JAKMIP1: variants seen among roughly 807,000 people sequenced by gnomAD.
JAKMIP1 encodes janus kinase and microtubule interacting protein 1.
JAKMIP1 carries 33 observed loss-of-function variants against 113.0 expected under a neutral mutation model. The observed-to-expected ratio is 0.29, with a 90% CI of 0.22 to 0.39. The LOEUF (loss-of-function observed/expected upper bound fraction) is 0.39. Among genes scored for constraint, JAKMIP1 ranks in the 10% least tolerant of loss-of-function variants. The probability of loss-of-function intolerance (pLI) is 1.00; values close to 1 mark genes in which losing one functional copy is unlikely to be tolerated. For missense variants in JAKMIP1, 813 were observed against 1,080.5 expected (o/e 0.75, Z 3.47); for synonymous variants, 480 against 459.9 (o/e 1.04, Z -0.56).
In JAKMIP1 at chr4:6,129,674, A is replaced by G. The variant is rs1718235020; in HGVS notation, c.-147-16677T>C. Among the ~76,000 whole-genome samples the G allele has an allele frequency of 1.3e-5, 2 of 152,148 alleles. No individual in the cohort carries two copies. Among genetic ancestry groups the G allele is most frequent in the Non-Finnish European group, 2.9e-5 (2 of 68,016 alleles). On this transcript the variant is annotated intron_variant, in intron 1 of 20. Coordinates refer to ENST00000409021, the MANE Select transcript of JAKMIP1 (RefSeq NM_001099433.2). The surrounding 1 kb of genome is among the most constrained non-coding windows in gnomAD (Gnocchi z 5.4). ...CCGTTCTCAATATTTCCCTACACAG[A>G]TCAGGAGGAAGCCATCCCTCTGCAT...
chr4:6,092,724 T>C (rs1198744846), intron 3 of JAKMIP1, among the ~76,000 whole-genome samples: 2 of 152,216 alleles, frequency 1.3e-5, no homozygotes, highest in Admixed American at 6.5e-5. Context: ...TCAGTGTTCA[T>C]GCAGACCCAC....
chr4:6,131,694 C>T (rs954186852), intron 1 of JAKMIP1, among the ~76,000 whole-genome samples: 1 of 152,224 alleles, frequency 6.6e-6, no homozygotes, highest in Non-Finnish European at 1.5e-5. Flanking sequence ...GGTGCCACTG[C>T]ACTCCAGCCT....
intron 19 of JAKMIP1, among the ~76,000 whole-genome samples, chr4:6,030,587 C>T (rs1403444310): frequency 6.6e-6 from 1 of 152,194 alleles, no homozygotes; most frequent in Non-Finnish European, 1.5e-5. Context: ...CATCAAGGGC[C>T]CCACCAAGGT....
chr4:6,053,782 G>A lies in JAKMIP1; in HGVS notation c.1806+268C>T, dbSNP rs1396194788. The A allele has an allele frequency of 6.4e-6, 8 of 1,255,406 alleles. No individual in the cohort carries two copies. In the African/African-American group the frequency reaches 9.3e-5, roughly 15 times the overall value. The allele number at this position is 1,255,406 out of a possible 1,614,324, so 77.8% of individuals were successfully genotyped here. A position where few individuals can be genotyped will look rare whatever the true frequency, so the allele number is the denominator to read the frequency against. On this transcript the variant is annotated intron_variant, in intron 13 of 20. Coordinates refer to ENST00000409021, the MANE Select transcript of JAKMIP1 (RefSeq NM_001099433.2). The stretch of plus-strand genomic sequence containing the variant: ...TTGCAAAAACAAATTATTTTATTAA[G>A]TGCAAAACAAGCCATAGGCAATAAA...
chr4:6,139,079 CACACAT>C lies in JAKMIP1; in HGVS notation c.-147-26088_-147-26083del, dbSNP rs770483811. ...AAACACACACACACACACACACACA[CACACAT>C]ATACACACACACACACACACCAGCA... On this transcript the variant is annotated intron_variant, in intron 1 of 20. Transcript: ENST00000409021. This position sits in a 1 kb window ranked among gnomAD's most constrained non-coding sequence, Gnocchi z 5.2. Among the ~76,000 whole-genome samples the C allele has an allele frequency of 0.5, 67,599 of 136,326 alleles. 17,777 individuals carry two copies. The highest frequency in any genetic ancestry group is 0.59 in the East Asian group (2,938 of 4,984). 89.4% of individuals were successfully genotyped at this position (136,326 alleles called of 152,430 possible). A position where few individuals can be genotyped will look rare whatever the true frequency, so the allele number is the denominator to read the frequency against.
At chr4:6,085,237 G>A (rs1191927805) in intron 4 of JAKMIP1, among the ~76,000 whole-genome samples, 183 bp downstream of exon 4, 3 of 152,022 alleles carry the variant, frequency 2.0e-5, no homozygotes, top group Non-Finnish European at 4.4e-5. Flanking sequence ...TACAAAGGCC[G>A]CCACGCACCG....
chr4:6,189,408 A>G (rs1726992995), intron 1 of JAKMIP1, among the ~76,000 whole-genome samples: 1 of 152,206 alleles, frequency 6.6e-6, no homozygotes, highest in East Asian at 1.9e-4. Flanking sequence ...GACTGTCACT[A>G]GAGGTGGCTT....
intron 16 of JAKMIP1, among the ~76,000 whole-genome samples, chr4:6,045,392 T>C (rs932294023): frequency 6.6e-6 from 1 of 152,236 alleles, no homozygotes; most frequent in Non-Finnish European, 1.5e-5. Context: ...CCTGATCCTA[T>C]ACGTGGCTAA....
intron 2 of JAKMIP1, among the ~76,000 whole-genome samples, chr4:6,110,619 T>A (rs1462670578): frequency 6.9e-6 from 1 of 144,458 alleles, no homozygotes; most frequent in Non-Finnish European, 1.5e-5. Context: ...GTCACCCTGA[T>A]GGTCATGTGA....
chr4:6,198,591 A>C (rs985731263), intron 1 of JAKMIP1, among the ~76,000 whole-genome samples: 18 of 152,240 alleles, frequency 1.2e-4, no homozygotes, highest in Admixed American at 1.2e-3. Context: ...GAATTACCCC[A>C]GACTCCAGAG....
intron 1 of JAKMIP1, among the ~76,000 whole-genome samples, chr4:6,161,030 G>GACCTCCATTCATCTGCCCTC (rs1722863157): frequency 8.8e-6 from 1 of 113,508 alleles, no homozygotes; most frequent in African/African-American, 3.6e-5. Flanking sequence ...TCACCTCCCT[G>GACCTCCATTCATCTGCCCTC]ACCTCCACTC....
At chr4:6,117,807 G>A (rs1221414694) in intron 1 of JAKMIP1, among the ~76,000 whole-genome samples, 3 of 152,302 alleles carry the variant, frequency 2.0e-5, no homozygotes, top group African/African-American at 4.8e-5. Context: ...GGAATTCAGC[G>A]ATATTTCTCC....
intron 19 of JAKMIP1, among the ~76,000 whole-genome samples, chr4:6,033,742 C>T (rs1343052864): frequency 6.6e-6 from 1 of 152,132 alleles, no homozygotes; most frequent in Non-Finnish European, 1.5e-5. Context: ...TTTTATGTTC[C>T]TGGAGGGGAA....
chr4:6,196,151 G>A (rs540624053), intron 1 of JAKMIP1, among the ~76,000 whole-genome samples: 1 of 152,328 alleles, frequency 6.6e-6, no homozygotes, highest in East Asian at 1.9e-4. Flanking sequence ...ACTGCCTCTA[G>A]GTGCTTTCAC....
chr4:6,120,459 C>G (rs1716549561), intron 1 of JAKMIP1, among the ~76,000 whole-genome samples: 1 of 152,094 alleles, frequency 6.6e-6, no homozygotes, highest in Non-Finnish European at 1.5e-5. Flanking sequence ...GAAATAACCT[C>G]AGGACCCAAA....
intron 11 of JAKMIP1, among the ~76,000 whole-genome samples, chr4:6,060,143 C>A (rs773932807): frequency 3.9e-5 from 6 of 152,208 alleles, no homozygotes; most frequent in Non-Finnish European, 8.8e-5. Flanking sequence ...TTGATCACAC[C>A]TTTGCTTTTG....
rs1722305578 is a variant in JAKMIP1, at chr4:6,093,087, CCA to C, written c.625-7460_625-7459del. On this transcript the variant is annotated intron_variant, in intron 3 of 20. Coordinates refer to ENST00000409021, the MANE Select transcript of JAKMIP1 (RefSeq NM_001099433.2). The surrounding 1 kb of genome is among the most constrained non-coding windows in gnomAD (Gnocchi z 4.6). ...ATGCCCCATTACTTCCAAACCTTTG[CCA>C]GTGTTTCTCCCTCTGCATAGGATCA... 6.6e-6 allele frequency among the ~76,000 whole-genome samples: 1 copy of C among 152,188 alleles called. No homozygotes were observed. The highest frequency in any genetic ancestry group is 1.5e-5 in the Non-Finnish European group (1 of 68,038).
In JAKMIP1 at chr4:6,150,982, G is replaced by C. The variant is rs535562687; in HGVS notation, c.-147-37985C>G. ...AAAAGCAAAACACCTGGTGAAGGCT[G>C]CTGGGGATGGCAGCTCTTTCTCCCC... On this transcript the variant is annotated intron_variant, in intron 1 of 20. Transcript: ENST00000409021. This position sits in a 1 kb window ranked among gnomAD's most constrained non-coding sequence, Gnocchi z 4.8. Among the ~76,000 whole-genome samples the C allele has an allele frequency of 5.3e-5, 8 of 152,244 alleles. No homozygotes were observed. The highest frequency in any genetic ancestry group is 1.7e-4 in the African/African-American group (7 of 41,548).
intron 1 of JAKMIP1, among the ~76,000 whole-genome samples, chr4:6,126,869 C>A (rs80266234): frequency 1.3e-5 from 2 of 151,810 alleles, no homozygotes; most frequent in African/African-American, 2.4e-5. Flanking sequence ...ATACAGAAAC[C>A]CATACCACAT....
Sources: gnomAD v4.1 joint callset for allele counts (sites outside exome capture counted in the v4.1 genomes callset) on GRCh38, gnomAD v4.1.1 for gene constraint, Gnocchi (gnomAD v3.1) non-coding constraint, MANE v1.5 for transcripts, NCBI Gene and HGNC (gene_info 2026-07-23, HGNC 2026-07-21) for gene names.